ZNF35: variants seen among roughly 807,000 people sequenced by gnomAD.
ZNF35 encodes the protein zinc finger protein 35 (clone HF.10).
Under a neutral mutation model 45.9 loss-of-function variants are expected in ZNF35, and 31 were observed. The observed-to-expected ratio is 0.68, with a 90% confidence interval of 0.51 to 0.91. The LOEUF is 0.91. Among genes scored for constraint, ZNF35 ranks in the 40% least tolerant of loss-of-function variants. The pLI is 0.00. For missense variants in ZNF35, 515 were observed against 625.4 expected (o/e 0.82, Z 1.88); for synonymous variants, 205 against 220.2 (o/e 0.93, Z 0.61).
rs558663073 is a variant in ZNF35, at chr3:44,652,297, T to C, written c.193-260T>C. 2.1e-4 allele frequency among the ~76,000 whole-genome samples: 32 copies of C among 152,200 alleles called. No individual in the cohort carries two copies. The South Asian group carries it at 5.8e-3, about 28-fold the overall frequency. The stretch of plus-strand genomic sequence containing the variant: ...TCTTCCCATATGCTCTCTCCTCTTA[T>C]CATGTACTCACTGGTAAGCTAGGTT... On this transcript the variant is annotated intron_variant, in intron 2 of 3. Transcript: ENST00000396056.
At position 44,652,200 on chromosome 3, in the gene ZNF35, C is replaced by T. The variant is rs141419355; in HGVS notation, c.193-357C>T. Among the ~76,000 whole-genome samples the T allele has an allele frequency of 7.6e-4, 116 of 152,228 alleles. 1 individual carries two copies. The highest frequency in any genetic ancestry group is 3.4e-3 in the Middle Eastern group (1 of 292). On this transcript the variant is annotated intron_variant, in intron 2 of 3. Transcript: ENST00000396056. The stretch of plus-strand genomic sequence containing the variant: ...AATGAGGGCAGAGGTTCCCCCAGAG[C>T]CTTTCTGTAATAATATCATCAAAAC...
chr3:44,651,638 A>G (rs769922092), intron 2 of ZNF35, among the ~76,000 whole-genome samples: 10 of 152,224 alleles, frequency 6.6e-5, no homozygotes, highest in East Asian at 1.9e-4. Context: ...GACCAGCCTG[A>G]GCAACATTGC....
At chr3:44,650,387 A>G (rs760172848) in intron 1 of ZNF35, among the ~76,000 whole-genome samples, 13 of 152,330 alleles carry the variant, frequency 8.5e-5, no homozygotes, top group Admixed American at 3.9e-4. Flanking sequence ...ACGTTGGTAT[A>G]AAGACTCCCA....
At chr3:44,647,354 G>A (rs1703014763), upstream of ZNF35, 1 of 152,176 alleles carries the variant, frequency 6.6e-6, no homozygotes, top group South Asian at 2.1e-4. Flanking sequence ...ACATTGCTGG[G>A]AATGTAAAAT....
intron 3 of ZNF35, among the ~76,000 whole-genome samples, chr3:44,656,772 A>G (rs1703316468): frequency 6.6e-6 from 1 of 150,896 alleles, no homozygotes; most frequent in South Asian, 2.1e-4. Flanking sequence ...GTCTCAGCTC[A>G]GTACAGCCTC....
In ZNF35 at chr3:44,659,090, A is replaced by T. The variant is rs1215956620; in HGVS notation, c.727A>T (p.Ile243Phe). ...QSANLVVHQR[I>F]HTGEKPFECH... The stretch of plus-strand genomic sequence containing the variant: ...TGCAAACCTCGTTGTGCATCAGCGA[A>T]TCCACACTGGAGAGAAACCCTTTGA... The change falls in exon 4 of 4, where the codon ATC becomes TTC. Residue 243 changes from isoleucine (I) to phenylalanine (F), a missense_variant. By Grantham distance (21) the Ile-to-Phe change is conservative. Coordinates refer to ENST00000396056, the MANE Select transcript of ZNF35 (RefSeq NM_003420.4). This position sits in a 1 kb window ranked among gnomAD's most constrained non-coding sequence, Gnocchi z 4.3. 6.2e-7 allele frequency: 1 copy of T among 1,614,092 alleles called. No individual in the cohort carries two copies. Among genetic ancestry groups the T allele is most frequent in the Admixed American group, 1.7e-5 (1 of 60,006 alleles).
intron 2 of ZNF35, among the ~76,000 whole-genome samples, chr3:44,651,655 C>T (rs1703204238): frequency 6.6e-6 from 1 of 152,074 alleles, no homozygotes; most frequent in East Asian, 1.9e-4. Flanking sequence ...TTGCACACCT[C>T]GTGTTTTGCA....
intron 1 of ZNF35, among the ~76,000 whole-genome samples, chr3:44,649,237 CTT>C (rs1703125604): frequency 6.6e-6 from 1 of 152,190 alleles, no homozygotes; most frequent in African/African-American, 2.4e-5. Context: ...TGTAGGCAGT[CTT>C]ATACACAAGG....
chr3:44,651,346 A>T, intron 2 of ZNF35, 87 bp downstream of exon 2: 1 of 1,277,704 alleles, frequency 7.8e-7, no homozygotes, highest in East Asian at 2.4e-5. Flanking sequence ...CTGCTTCCAC[A>T]CCTGGAGTCT....
intron 1 of ZNF35, among the ~76,000 whole-genome samples, chr3:44,650,385 A>G (rs1408099099): frequency 6.6e-6 from 1 of 152,228 alleles, no homozygotes; most frequent in African/African-American, 2.4e-5. Context: ...ACACGTTGGT[A>G]TAAAGACTCC....
At chr3:44,646,522 A>G (rs1702963512), upstream of ZNF35, 1 of 1,479,258 alleles carries the variant, frequency 6.8e-7, no homozygotes, top group South Asian at 1.1e-5. Flanking sequence ...AGAGGAACAA[A>G]TAAAAGACAC....
At chr3:44,652,756 T>C in intron 3 of ZNF35, 55 bp downstream of exon 3, 1 of 1,475,212 alleles carries the variant, frequency 6.8e-7, no homozygotes, top group East Asian at 2.5e-5. Context: ...TCAAAATCTT[T>C]TCAGAGACTG....
chr3:44,656,344 T>G (rs757055722), intron 3 of ZNF35, among the ~76,000 whole-genome samples: 4 of 149,706 alleles, frequency 2.7e-5, no homozygotes, highest in Non-Finnish European at 5.9e-5. Context: ...AAGAGGGAGC[T>G]AGCAGAACAG....
upstream of ZNF35, chr3:44,646,542 C>A: frequency 8.0e-7 from 1 of 1,254,446 alleles, no homozygotes; most frequent in Non-Finnish European, 1.2e-6. Context: ...CCACGAGAAA[C>A]AGACACATCC....
intron 3 of ZNF35, among the ~76,000 whole-genome samples, chr3:44,656,213 CAG>C (rs1250406394): frequency 2.0e-5 from 3 of 151,678 alleles, no homozygotes; most frequent in Admixed American, 2.0e-4. Flanking sequence ...AATTAAAAAA[CAG>C]GAGAGGAGAG....
At chr3:44,658,151 T>C (rs1346481767) in intron 3 of ZNF35, among the ~76,000 whole-genome samples, 1 of 152,198 alleles carries the variant, frequency 6.6e-6, no homozygotes, top group Non-Finnish European at 1.5e-5. Context: ...CTGCTGTGGC[T>C]GTCTTGGCAG....
At chr3:44,648,316 C>A (rs1349125868), upstream of ZNF35, 1 of 151,800 alleles carries the variant, frequency 6.6e-6, no homozygotes, top group Non-Finnish European at 1.5e-5. Context: ...TTACAACTTT[C>A]AAAAAAATGA....
chr3:44,660,507 G>A lies in ZNF35; in HGVS notation c.*560G>A, dbSNP rs1703380761. On this transcript the variant is annotated 3_prime_UTR_variant, in exon 4 of 4. Coordinates refer to ENST00000396056, the MANE Select transcript of ZNF35 (RefSeq NM_003420.4). ...ACTTTACTGAAAATGGACAGAAATA[G>A]GAAATGGACTTTTTCCTTACTGTCT... is the stretch of plus-strand genomic sequence containing the variant. The A allele has an allele frequency of 6.5e-6, 1 of 152,890 alleles. No homozygotes were observed. The allele number at this position is 152,890 out of a possible 1,614,324, so 9.5% of individuals were successfully genotyped here.
upstream of ZNF35, chr3:44,647,960 T>C (rs1703055881): frequency 6.6e-6 from 1 of 152,184 alleles, no homozygotes; most frequent in African/African-American, 2.4e-5. Flanking sequence ...TGATTTCCTT[T>C]TTCATTTTAT....
Sources: allele counts gnomAD v4.1 joint callset (sites outside exome capture counted in the v4.1 genomes callset), GRCh38; gene constraint gnomAD v4.1.1; non-coding constraint Gnocchi (gnomAD v3.1); transcripts MANE v1.5; gene names NCBI Gene and HGNC (gene_info 2026-07-23, HGNC 2026-07-21).